Variants in CELSR1 observed in about 807,000 individuals in gnomAD.
CELSR1 encodes the protein cadherin EGF LAG seven-pass G-type receptor 1.
A neutral mutation model predicts 249.1 loss-of-function variants in CELSR1; 110 were observed. That is an observed-to-expected ratio of 0.44 (90% CI 0.38 to 0.52). The LOEUF (loss-of-function observed/expected upper bound fraction) is 0.52, where lower values mean the gene tolerates loss of function less well. Among genes scored for constraint, CELSR1 ranks in the 20% least tolerant of loss-of-function variants. CELSR1 has a pLI of 0.00. For missense variants in CELSR1, 4,109 were observed against 4,296.4 expected, an observed-to-expected ratio of 0.96 and a Z score of 1.22; for synonymous variants, 2,113 against 1,900.0, an observed-to-expected ratio of 1.11 and a Z score of -2.92.
chr22:46,411,610 G>A lies in CELSR1; in HGVS notation c.4761C>T (p.Gly1587=), dbSNP rs775131759. The change falls in exon 6 of 35, where the codon GGC becomes GGT. Residue 1587 remains glycine, a synonymous_variant. Coordinates refer to ENST00000674500, the MANE Select transcript of CELSR1 (RefSeq NM_001378328.1). This position sits in a 1 kb window ranked among gnomAD's most constrained non-coding sequence, Gnocchi z 4.2. ...CCTCCTGGGATGCTCACTTCTTGGA[G>A]CCGGTCTGAGTGCCCTGGGCAGCGC... The part of the protein sequence containing the change: ...YSCAAQGTQT[G]SKKSLDLTGP... 2 of 1,614,140 alleles carry A rather than the reference G, an allele frequency of 1.2e-6. No individual in the cohort carries two copies. The highest frequency in any genetic ancestry group is 1.7e-5 in the Admixed American group (1 of 60,030).
Position 46,384,452 on chromosome 22 carries a change from T to C in CELSR1, c.6883+91A>G, listed in dbSNP as rs981443659. On this transcript the variant is annotated intron_variant, in intron 20 of 34. Coordinates refer to ENST00000674500, the MANE Select transcript of CELSR1 (RefSeq NM_001378328.1). ...GGAACACTCTGGCCCAGATCTTCAGTGCGCAGGTCCTGCGATGCCCGCAGC... is the reference window on the plus strand; with the variant it reads ...GGAACACTCTGGCCCAGATCTTCAGCGCGCAGGTCCTGCGATGCCCGCAGC... The C allele has an allele frequency of 7.1e-6, 10 of 1,410,668 alleles. No homozygotes were observed. In the East Asian group the frequency reaches 7.6e-5, roughly 11 times the overall value. The allele number at this position is 1,410,668 out of a possible 1,614,324, so 87.4% of individuals were successfully genotyped here.
In CELSR1 at chr22:46,422,265, C is replaced by T. The variant is rs576972336; in HGVS notation, c.4612-10506G>A. 4.4e-4 allele frequency among the ~76,000 whole-genome samples: 67 copies of T among 151,994 alleles called. No homozygotes were observed. The South Asian group carries it at 5.0e-3, about 11-fold the overall frequency. On this transcript the variant is annotated intron_variant, in intron 5 of 34. Transcript: ENST00000674500. The stretch of plus-strand genomic sequence containing the variant: ...AGATTATGGGCACCTGCCACCACGC[C>T]CGGCTAATTTTTTTGTATTTTTAGT...
intron 1 of CELSR1, among the ~76,000 whole-genome samples, chr22:46,513,983 C>T (rs1233826022): frequency 3.9e-5 from 6 of 151,940 alleles, no homozygotes; most frequent in East Asian, 1.9e-4. Context: ...TTAGTAGAGA[C>T]GGGGTCTCAC....
intron 13 of CELSR1, among the ~76,000 whole-genome samples, chr22:46,394,855 G>A (rs1267020188): frequency 1.3e-5 from 2 of 152,232 alleles, no homozygotes; most frequent in African/African-American, 4.8e-5. Context: ...GAGAGCAACA[G>A]ACACTGAAGA....
chr22:46,497,563 T>C (rs1221692626), intron 1 of CELSR1, among the ~76,000 whole-genome samples: 3 of 152,230 alleles, frequency 2.0e-5, no homozygotes, highest in Non-Finnish European at 2.9e-5. Context: ...TGTCTGTGTA[T>C]TCTCCTGCTC....
At chr22:46,405,510 GCTTA>G (rs1415827621) in intron 9 of CELSR1, among the ~76,000 whole-genome samples, 1 of 151,254 alleles carries the variant, frequency 6.6e-6, no homozygotes. Context: ...CATTGTTCTT[GCTTA>G]AAGAACTCCA....
chr22:46,397,850 T>C lies in CELSR1; in HGVS notation c.5527-2A>G. On this transcript the variant is annotated splice_acceptor_variant, in intron 11 of 34. Coordinates refer to ENST00000674500, the MANE Select transcript of CELSR1 (RefSeq NM_001378328.1). LOFTEE classifies it high-confidence loss of function. ...GGGCGTCCCCCCCATCCTCACTCCC[T>C]GCATTAAGTAAACGGCACTGGGGCT... The C allele has an allele frequency of 6.4e-7, 1 of 1,550,850 alleles. No homozygotes were observed. The highest frequency in any genetic ancestry group is 8.7e-7 in the Non-Finnish European group (1 of 1,145,018).
chr22:46,429,168 A>G lies in CELSR1; in HGVS notation c.4611+4225T>C, dbSNP rs144537932. ...CCCTAGCACTGTCTCCGTGGGGAAT[A>G]AGCTTCTCCCCACACTTCCCAAACA... On this transcript the variant is annotated intron_variant, in intron 5 of 34. Transcript: ENST00000674500. This position sits in a 1 kb window ranked among gnomAD's most constrained non-coding sequence, Gnocchi z 4.1. Among the ~76,000 whole-genome samples the G allele has an allele frequency of 1.3e-3, 195 of 152,228 alleles. No homozygotes were observed. Among genetic ancestry groups the G allele is most frequent in the African/African-American group, 4.4e-3 (181 of 41,544 alleles).
intron 1 of CELSR1, among the ~76,000 whole-genome samples, chr22:46,513,713 C>T (rs1330342541): frequency 3.3e-5 from 5 of 152,150 alleles, no homozygotes; most frequent in Admixed American, 2.0e-4. Flanking sequence ...CACTCACCTG[C>T]GCAGAGAGCC....
rs1315396694 is a variant in CELSR1, at chr22:46,436,887, C to G, written c.4407-598G>C. Among the ~76,000 whole-genome samples the G allele has an allele frequency of 6.6e-6, 1 of 152,104 alleles. No homozygotes were observed. Among genetic ancestry groups the G allele is most frequent in the African/African-American group, 2.4e-5 (1 of 41,362 alleles). On this transcript the variant is annotated intron_variant, in intron 3 of 34. Coordinates refer to ENST00000674500, the MANE Select transcript of CELSR1 (RefSeq NM_001378328.1). This position sits in a 1 kb window ranked among gnomAD's most constrained non-coding sequence, Gnocchi z 5.9. ...CAACCCAGCTGTACTTGCCCTGACT[C>G]ATTGTACTCTACCTTGCCCTTACCT...
rs906515928 is a variant in CELSR1, at chr22:46,427,867, C to T, written c.4611+5526G>A. The stretch of plus-strand genomic sequence containing the variant: ...CCCAGAAAGGGTCCCATCAAAAAAC[C>T]TCACCCTGACCCAAGTGTCTGGGTG... On this transcript the variant is annotated intron_variant, in intron 5 of 34. Transcript: ENST00000674500. The surrounding 1 kb of genome is among the most constrained non-coding windows in gnomAD (Gnocchi z 4.2). Among the ~76,000 whole-genome samples, 2 of 152,148 alleles carry T rather than the reference C, an allele frequency of 1.3e-5. No homozygotes were observed. The highest frequency in any genetic ancestry group is 4.2e-4 in the South Asian group (2 of 4,810).
chr22:46,519,181 G>A (rs753842247), intron 1 of CELSR1, among the ~76,000 whole-genome samples: 7 of 152,166 alleles, frequency 4.6e-5, no homozygotes, highest in Non-Finnish European at 8.8e-5. Flanking sequence ...TTCCTTTGAG[G>A]GAAATGGAAA....
In CELSR1 at chr22:46,535,093, T is replaced by C. The variant is rs777880229; in HGVS notation, c.2078A>G (p.Glu693Gly). Residue 693 changes from glutamate to glycine, a missense_variant, in exon 1 of 35, where the codon GAG becomes GGG. Glu to Gly is a moderately conservative substitution (Grantham distance 98). This residue lies in a region of CELSR1 where 886 missense variants were observed against 896.5 expected (regional missense o/e 0.99). Coordinates refer to ENST00000674500, the MANE Select transcript of CELSR1 (RefSeq NM_001378328.1). Reference protein sequence around the residue: ...NDPVFTQPTYELRLNEDAAVG... With the variant: ...NDPVFTQPTYGLRLNEDAAVG... ...GGCCGCATCCTCATTCAGACGAAGCTCGTAGGTGGGCTGCGTGAACACCGG... is the reference window on the plus strand; with the variant it reads ...GGCCGCATCCTCATTCAGACGAAGCCCGTAGGTGGGCTGCGTGAACACCGG... 4.4e-5 allele frequency: 71 copies of C among 1,612,206 alleles called. No individual in the cohort carries two copies. In the Middle Eastern group the frequency reaches 8.2e-4, roughly 19 times the overall value.
At chr22:46,504,125 G>A (rs71313052) in intron 1 of CELSR1, among the ~76,000 whole-genome samples, 464 of 152,310 alleles carry the variant, frequency 3.0e-3, no homozygotes, top group African/African-American at 0.011. Flanking sequence ...AAAGATATTT[G>A]CAACAAGTTA....
At chr22:46,457,386 A>G (rs1305160380) in intron 2 of CELSR1, among the ~76,000 whole-genome samples, 11 of 152,106 alleles carry the variant, frequency 7.2e-5, no homozygotes, top group Non-Finnish European at 1.0e-4. Flanking sequence ...CTGGGGTCCT[A>G]AAAGCAGGTG....
Position 46,391,573 on chromosome 22 carries a change from G to A in CELSR1, c.6148+60C>T, listed in dbSNP as rs1602067427. On this transcript the variant is annotated intron_variant, in intron 15 of 34. Transcript: ENST00000674500. The surrounding 1 kb of genome is among the most constrained non-coding windows in gnomAD (Gnocchi z 4.3). Reference sequence around the variant, plus strand: ...CCAGCGTGCATGCACACACGTGCACGCCAGTGCAGCAGCCTGTCCCCGCGC... The same window carrying A: ...CCAGCGTGCATGCACACACGTGCACACCAGTGCAGCAGCCTGTCCCCGCGC... 14 of 1,490,892 alleles carry A rather than the reference G, an allele frequency of 9.4e-6. No homozygotes were observed. In the East Asian group the frequency reaches 1.6e-4, roughly 17 times the overall value. The allele number at this position is 1,490,892 out of a possible 1,614,324, so 92.4% of individuals were successfully genotyped here. A position where few individuals can be genotyped will look rare whatever the true frequency, so the allele number is the denominator to read the frequency against.
chr22:46,401,886 A>G lies in CELSR1; in HGVS notation c.5227-1984T>C, dbSNP rs2079214061. On this transcript the variant is annotated intron_variant, in intron 9 of 34. Coordinates refer to ENST00000674500, the MANE Select transcript of CELSR1 (RefSeq NM_001378328.1). This position sits in a 1 kb window ranked among gnomAD's most constrained non-coding sequence, Gnocchi z 4.7. ...TGGATCACCTGAGGTCAGGAGTTTGAGACCAGCCTGACCAACAAGGTGAAA... is the reference window on the plus strand; with the variant it reads ...TGGATCACCTGAGGTCAGGAGTTTGGGACCAGCCTGACCAACAAGGTGAAA... Among the ~76,000 whole-genome samples the G allele has an allele frequency of 1.3e-5, 2 of 152,126 alleles. No individual in the cohort carries two copies. The highest frequency in any genetic ancestry group is 4.1e-4 in the South Asian group (2 of 4,826).
At position 46,471,749 on chromosome 22, in the gene CELSR1, C is replaced by T. The variant is rs1445209633; in HGVS notation, c.3545-7404G>A. On this transcript the variant is annotated intron_variant, in intron 1 of 34. Transcript: ENST00000674500. The surrounding 1 kb of genome is among the most constrained non-coding windows in gnomAD (Gnocchi z 4.9). The stretch of plus-strand genomic sequence containing the variant: ...GTATTGATAGGTTATTAACTGAAGC[C>T]TGTTCTCTCTGCAGATTTCCCTCAT... Among the ~76,000 whole-genome samples the T allele has an allele frequency of 6.6e-6, 1 of 152,094 alleles. No homozygotes were observed. Among genetic ancestry groups the T allele is most frequent in the African/African-American group, 2.4e-5 (1 of 41,420 alleles).
rs930532887 is a variant in CELSR1, at chr22:46,485,368, C to T, written c.3545-21023G>A. Among the ~76,000 whole-genome samples, 117 of 152,166 alleles carry T rather than the reference C, an allele frequency of 7.7e-4. 1 individual carries two copies. The highest frequency in any genetic ancestry group is 2.2e-4 in the Non-Finnish European group (15 of 68,022). On this transcript the variant is annotated intron_variant, in intron 1 of 34. Transcript: ENST00000674500. ...CCTCTTCCCAGGCCTTTGTGAGTGG[C>T]GCCCCCAACTCCCTCTCCCTGAGGC...
Sources: allele counts gnomAD v4.1 joint callset (sites outside exome capture counted in the v4.1 genomes callset), GRCh38; gene constraint gnomAD v4.1.1; regional missense constraint gnomAD v4.1.1; non-coding constraint Gnocchi (gnomAD v3.1); transcripts MANE v1.5; gene names NCBI Gene and HGNC (gene_info 2026-07-23, HGNC 2026-07-21).